The following PARD3B variants were observed in gnomAD, a reference collection of about 807,000 sequenced individuals.
The protein encoded by PARD3B is par-3 family cell polarity regulator beta, also known as partitioning defective 3 homolog B.
PARD3B carries 103 observed loss-of-function variants against 130.2 expected under a neutral mutation model. The ratio of observed to expected loss-of-function variants is 0.79; its 90% CI spans 0.67 to 0.93. PARD3B has a LOEUF of 0.93. Among genes scored for constraint, PARD3B ranks in the 40% least tolerant of loss-of-function variants. The pLI is 0.00. For missense variants in PARD3B, 1,609 were observed against 1,499.2 expected (o/e 1.07, Z -1.21); for synonymous variants, 583 against 553.2 (o/e 1.05, Z -0.76).
Position 205,442,290 on chromosome 2 carries a change from C to CTTTTTTTTTTTTTT in PARD3B, c.3044+1631_3044+1644dup, listed in dbSNP as rs71410814. 5.7e-5 allele frequency among the ~76,000 whole-genome samples: 6 copies of CTTTTTTTTTTTTTT among 105,992 alleles called. 1 individual carries two copies. Among genetic ancestry groups the CTTTTTTTTTTTTTT allele is most frequent in the African/African-American group, 1.7e-4 (4 of 23,608 alleles). The allele number at this position is 105,992 out of a possible 152,430, so 69.5% of individuals were successfully genotyped here. On this transcript the variant is annotated intron_variant, in intron 20 of 22. Coordinates refer to ENST00000406610, the MANE Select transcript of PARD3B (RefSeq NM_001302769.2). ...GGTAAGCCACAAGGAACAGGTTTTC[C>CTTTTTTTTTTTTTT]TTTTTTTTTTTTTTTTTTTTTTTTT... is the stretch of plus-strand genomic sequence containing the variant.
intron 15 of PARD3B, among the ~76,000 whole-genome samples, chr2:205,195,306 C>G (rs931160780): frequency 2.6e-5 from 4 of 152,098 alleles, no homozygotes; most frequent in Non-Finnish European, 5.9e-5. Flanking sequence ...TAGTACCAAA[C>G]TAAAAGCATT....
chr2:205,565,662 C>T (rs1482730948), intron 22 of PARD3B, among the ~76,000 whole-genome samples: 1 of 152,122 alleles, frequency 6.6e-6, no homozygotes, highest in Non-Finnish European at 1.5e-5. Flanking sequence ...TGAAACAGTT[C>T]AGTCAGAGCA....
At chr2:205,483,013 G>A (rs1039645082) in intron 20 of PARD3B, among the ~76,000 whole-genome samples, 4 of 151,986 alleles carry the variant, frequency 2.6e-5, no homozygotes, top group African/African-American at 9.7e-5. Context: ...AGTAGGAGGG[G>A]CATACAAATA....
chr2:205,158,614 G>A lies in PARD3B; in HGVS notation c.1435-108G>A. 8.7e-7 allele frequency: 1 copy of A among 1,144,494 alleles called. No individual in the cohort carries two copies. The highest frequency in any genetic ancestry group is 2.9e-4 in the Middle Eastern group (1 of 3,394). 70.9% of individuals were successfully genotyped at this position (1,144,494 alleles called of 1,614,324 possible). On this transcript the variant is annotated intron_variant, in intron 10 of 22. Transcript: ENST00000406610. This position sits in a 1 kb window ranked among gnomAD's most constrained non-coding sequence, Gnocchi z 5.4. ...CAGGAGCCGATTACAGCTGTGAGAG[G>A]TCCAGTCATCCTGTCCTACTGATTG...
rs1430063982 is a variant in PARD3B, at chr2:204,907,461, C to A, written c.223-57691C>A. On this transcript the variant is annotated intron_variant, in intron 2 of 22. Transcript: ENST00000406610. The surrounding 1 kb of genome is among the most constrained non-coding windows in gnomAD (Gnocchi z 5.7). ...CTCTGGAGGAAAATTCCCAATGCAG[C>A]TAATTTCTCTGGAGCCCCCTGCTAC... 6.6e-6 allele frequency among the ~76,000 whole-genome samples: 1 copy of A among 152,118 alleles called. No individual in the cohort carries two copies. Among genetic ancestry groups the A allele is most frequent in the Non-Finnish European group, 1.5e-5 (1 of 68,026 alleles).
At chr2:204,822,117 A>C (rs1435948090) in intron 2 of PARD3B, among the ~76,000 whole-genome samples, 1 of 152,254 alleles carries the variant, frequency 6.6e-6, no homozygotes, top group Non-Finnish European at 1.5e-5. Flanking sequence ...TCCATGATTC[A>C]CAGCAAGAAG....
intron 22 of PARD3B, among the ~76,000 whole-genome samples, chr2:205,602,133 T>A (rs2054811096): frequency 6.6e-6 from 1 of 152,240 alleles, no homozygotes; most frequent in Non-Finnish European, 1.5e-5. Flanking sequence ...ATTGAGATAA[T>A]CATGTGATTT....
chr2:204,672,332 C>G (rs2036345767), intron 1 of PARD3B, among the ~76,000 whole-genome samples: 1 of 152,122 alleles, frequency 6.6e-6, no homozygotes, highest in African/African-American at 2.4e-5. Context: ...TTTCATATGT[C>G]AACATTTTGA....
chr2:205,354,460 A>T (rs1192776595), intron 18 of PARD3B, among the ~76,000 whole-genome samples: 5 of 87,670 alleles, frequency 5.7e-5, no homozygotes, highest in Admixed American at 5.0e-4. Flanking sequence ...AAAGTATAAT[A>T]AAAAAAATGA....
At chr2:205,148,298 T>A (rs2033511623) in intron 10 of PARD3B, among the ~76,000 whole-genome samples, 1 of 152,170 alleles carries the variant, frequency 6.6e-6, no homozygotes, top group Admixed American at 6.5e-5. Context: ...ATAAAAATGA[T>A]CCTCCTTAGA....
rs78139181 is a variant in PARD3B, at chr2:204,690,674, T to C, written c.222+4392T>C. Among the ~76,000 whole-genome samples the C allele has an allele frequency of 2.2e-3, 334 of 152,304 alleles. 1 individual carries two copies. The highest frequency in any genetic ancestry group is 7.7e-3 in the African/African-American group (321 of 41,580). ...CTTGATTTTAGCCCAGTGAGACTTG[T>C]TTCAGATTTCTTAACTGTCAGATAA... On this transcript the variant is annotated intron_variant, in intron 2 of 22. Coordinates refer to ENST00000406610, the MANE Select transcript of PARD3B (RefSeq NM_001302769.2).
chr2:204,545,684 A>T lies in PARD3B; in HGVS notation c.-316A>T. On this transcript the variant is annotated 5_prime_UTR_variant, in exon 1 of 23. Coordinates refer to ENST00000406610, the MANE Select transcript of PARD3B (RefSeq NM_001302769.2). ...AGTTTCGCTTTGGTGGGCGCGGAGC[A>T]GCCGCCTGGGCCGGGCAGGAGTAGG... 1 of 238,264 alleles carries T rather than the reference A, an allele frequency of 4.2e-6. No homozygotes were observed. Among genetic ancestry groups the T allele is most frequent in the Non-Finnish European group, 8.0e-6 (1 of 124,696 alleles). The allele number at this position is 238,264 out of a possible 1,614,324, so 14.8% of individuals were successfully genotyped here.
At chr2:204,700,413 A>G (rs1310921047) in intron 2 of PARD3B, among the ~76,000 whole-genome samples, 1 of 152,122 alleles carries the variant, frequency 6.6e-6, no homozygotes, top group African/African-American at 2.4e-5. Context: ...TCTGAGCACC[A>G]TTTGGTCAGT....
At chr2:205,129,414 G>A (rs570618432) in intron 10 of PARD3B, among the ~76,000 whole-genome samples, 59 of 152,310 alleles carry the variant, frequency 3.9e-4, no homozygotes, top group African/African-American at 5.3e-4. Flanking sequence ...GTTTGAAAGG[G>A]CAAAATAAAG....
At chr2:204,663,185 T>C (rs2035891941) in intron 1 of PARD3B, among the ~76,000 whole-genome samples, 1 of 152,188 alleles carries the variant, frequency 6.6e-6, no homozygotes, top group South Asian at 2.1e-4. Context: ...TGGCCCTACT[T>C]GTTGGGCCAC....
chr2:204,839,139 G>A (rs1250952988), intron 2 of PARD3B, among the ~76,000 whole-genome samples: 1 of 152,194 alleles, frequency 6.6e-6, no homozygotes, highest in African/African-American at 2.4e-5. Flanking sequence ...TACAAGGTCA[G>A]CCCTGTTCTG....
chr2:204,851,243 A>T lies in PARD3B; in HGVS notation c.223-113909A>T, dbSNP rs185799293. Among the ~76,000 whole-genome samples, 9 of 152,292 alleles carry T rather than the reference A, an allele frequency of 5.9e-5. No individual in the cohort carries two copies. The East Asian group carries it at 1.7e-3, about 29-fold the overall frequency. On this transcript the variant is annotated intron_variant, in intron 2 of 22. Coordinates refer to ENST00000406610, the MANE Select transcript of PARD3B (RefSeq NM_001302769.2). ...CTCAGTCACCAAGAAAAATTGCTAA[A>T]CAAAAATAGAAAATAATTCAAGTCT...
In PARD3B at chr2:205,558,387, T is replaced by G. The variant is rs577690270; in HGVS notation, c.3260+4984T>G. Reference sequence around the variant, plus strand: ...ATACTGCTAAGATACTCCTATTATCTCAGGACCGGGCAGTGCTGAACATGC... The same window carrying G: ...ATACTGCTAAGATACTCCTATTATCGCAGGACCGGGCAGTGCTGAACATGC... On this transcript the variant is annotated intron_variant, in intron 22 of 22. Transcript: ENST00000406610. The surrounding 1 kb of genome is among the most constrained non-coding windows in gnomAD (Gnocchi z 4.8). Among the ~76,000 whole-genome samples, 2 of 152,218 alleles carry G rather than the reference T, an allele frequency of 1.3e-5. No individual in the cohort carries two copies. Among genetic ancestry groups the G allele is most frequent in the East Asian group, 3.9e-4 (2 of 5,164 alleles).
intron 3 of PARD3B, among the ~76,000 whole-genome samples, chr2:204,983,344 G>T (rs541954438): frequency 2.0e-5 from 3 of 149,616 alleles, no homozygotes; most frequent in African/African-American, 7.4e-5. Flanking sequence ...ATTTATGAAG[G>T]TTCCAACCGA....
Sources: allele counts gnomAD v4.1 joint callset (sites outside exome capture counted in the v4.1 genomes callset), GRCh38; gene constraint gnomAD v4.1.1; non-coding constraint Gnocchi (gnomAD v3.1); transcripts MANE v1.5; gene names NCBI Gene and HGNC (gene_info 2026-07-23, HGNC 2026-07-21).